Variants in CTLA4 observed in about 807,000 individuals in gnomAD.
The protein encoded by CTLA4 is cytotoxic T-lymphocyte associated protein 4.
Under a neutral mutation model 20.4 loss-of-function variants are expected in CTLA4, and 3 were observed. The ratio of observed to expected loss-of-function variants is 0.15; its 90% confidence interval spans 0.07 to 0.38. The LOEUF (loss-of-function observed/expected upper bound fraction) is 0.38. CTLA4 is among the 10% of genes least tolerant of loss of function. The pLI, the probability that CTLA4 is intolerant of heterozygous loss-of-function variation, is 1.00. For synonymous variants in CTLA4, 100 were observed against 105.2 expected (o/e 0.95, Z 0.30); for missense variants, 184 against 276.8 (o/e 0.66, Z 2.38).
At chr2:203,868,094 T>A (rs753236524) in intron 1 of CTLA4, 43 bp downstream of exon 1, 3 of 1,435,434 alleles carry the variant, frequency 2.1e-6, no homozygotes, top group Non-Finnish European at 9.8e-7. Context: ...GAGGTGTTTC[T>A]CCTACCTGGG....
In CTLA4 at chr2:203,870,731, T is replaced by C; in HGVS notation, c.255T>C (p.Cys85=). The change falls in exon 2 of 4, where the codon TGT becomes TGC. Residue 85 remains cysteine, a synonymous_variant. Transcript: ENST00000648405. The surrounding 1 kb of genome is among the most constrained non-coding windows in gnomAD (Gnocchi z 5.3). The part of the protein sequence containing the change: ...RQADSQVTEV[C]AATYMMGNEL... Reference sequence around the variant, plus strand: ...CTGACAGCCAGGTGACTGAAGTCTGTGCGGCAACCTACATGATGGGGAATG... The same window carrying C: ...CTGACAGCCAGGTGACTGAAGTCTGCGCGGCAACCTACATGATGGGGAATG... 6.2e-7 allele frequency: 1 copy of C among 1,614,186 alleles called. No homozygotes were observed. Among genetic ancestry groups the C allele is most frequent in the Non-Finnish European group, 8.5e-7 (1 of 1,180,032 alleles).
In CTLA4 at chr2:203,872,869, T is replaced by C; in HGVS notation, c.*57T>C. On this transcript the variant is annotated 3_prime_UTR_variant, in exon 4 of 4. Transcript: ENST00000648405. ...CAATTTCCAAGAGCTGAGGCAATTC[T>C]AACTTTTTTGCTATCCAGCTATTTT... 8.7e-7 allele frequency: 1 copy of C among 1,145,188 alleles called. No individual in the cohort carries two copies. Among genetic ancestry groups the C allele is most frequent in the Admixed American group, 1.8e-5 (1 of 55,824 alleles). The allele number at this position is 1,145,188 out of a possible 1,614,324, so 70.9% of individuals were successfully genotyped here. A position where few individuals can be genotyped will look rare whatever the true frequency, so the allele number is the denominator to read the frequency against.
At position 203,871,311 on chromosome 2, in the gene CTLA4, T is replaced by C. The variant is rs1688727936; in HGVS notation, c.458-67T>C. The C allele has an allele frequency of 3.7e-6, 5 of 1,358,858 alleles. No homozygotes were observed. In the South Asian group the frequency reaches 4.8e-5, roughly 13 times the overall value. 84.2% of individuals were successfully genotyped at this position (1,358,858 alleles called of 1,614,324 possible). A position where few individuals can be genotyped will look rare whatever the true frequency, so the allele number is the denominator to read the frequency against. ...AGCTCTAATGTCCTTTTTTCACCAATGTTGGGGAGTAGAGCCCTAGAGTTT... is the reference window on the plus strand; with the variant it reads ...AGCTCTAATGTCCTTTTTTCACCAACGTTGGGGAGTAGAGCCCTAGAGTTT... On this transcript the variant is annotated intron_variant, in intron 2 of 3. Coordinates refer to ENST00000648405, the MANE Select transcript of CTLA4 (RefSeq NM_005214.5).
chr2:203,867,975 T>C lies in CTLA4; in HGVS notation c.33T>C (p.Ala11=). The C allele has an allele frequency of 1.2e-6, 2 of 1,614,160 alleles. No homozygotes were observed. Among genetic ancestry groups the C allele is most frequent in the Non-Finnish European group, 1.7e-6 (2 of 1,179,996 alleles). ...GCCTTGGATTTCAGCGGCACAAGGCTCAGCTGAACCTGGCTACCAGGACCT... is the reference window on the plus strand; with the variant it reads ...GCCTTGGATTTCAGCGGCACAAGGCCCAGCTGAACCTGGCTACCAGGACCT... MACLGFQRHK[A]QLNLATRTWP... The change falls in exon 1 of 4, where the codon GCT becomes GCC. Residue 11 remains alanine (A), a synonymous_variant. Transcript: ENST00000648405.
intron 2 of CTLA4, 130 bp from the exon 3 acceptor site, chr2:203,871,248 C>T (rs1223018550): frequency 8.0e-6 from 6 of 746,412 alleles, no homozygotes; most frequent in Non-Finnish European, 6.7e-6. Flanking sequence ...TATTGGTGGG[C>T]TACCCATGCA....
chr2:203,872,646 A>T (rs1334365056), intron 3 of CTLA4, 62 bp from the exon 4 acceptor site: 1 of 983,820 alleles, frequency 1.0e-6, no homozygotes, highest in Non-Finnish European at 1.6e-6. Context: ...GAGTTCTATT[A>T]TGGTTAGAAG....
chr2:203,868,639 T>A (rs1302650352), intron 1 of CTLA4, among the ~76,000 whole-genome samples: 2 of 150,600 alleles, frequency 1.3e-5, no homozygotes, highest in African/African-American at 4.9e-5. Flanking sequence ...TATTTAAAAA[T>A]AAAAGTTTGA....
At position 203,872,809 on chromosome 2, in the gene CTLA4, T is replaced by C; in HGVS notation, c.669T>C (p.Asn223=). The C allele has an allele frequency of 6.3e-7, 1 of 1,590,538 alleles. No homozygotes were observed. The highest frequency in any genetic ancestry group is 8.6e-7 in the Non-Finnish European group (1 of 1,158,556). ...TTCAGCCTTATTTTATTCCCATCAA[T>C]TGAGAAACCATTATGAAGAAGAGAG... ...KQFQPYFIPI[N] is the part of the protein sequence containing the mutation. Residue 223 remains asparagine, a synonymous_variant, in exon 4 of 4, where the codon AAT becomes AAC. Transcript: ENST00000648405.
rs1433061608 is a variant in CTLA4, at chr2:203,870,524, G to A, written c.110-62G>A. The A allele has an allele frequency of 7.7e-6, 12 of 1,567,350 alleles. No individual in the cohort carries two copies. Among genetic ancestry groups the A allele is most frequent in the African/African-American group, 1.3e-5 (1 of 74,310 alleles). On this transcript the variant is annotated intron_variant, in intron 1 of 3. Coordinates refer to ENST00000648405, the MANE Select transcript of CTLA4 (RefSeq NM_005214.5). The surrounding 1 kb of genome is among the most constrained non-coding windows in gnomAD (Gnocchi z 5.3). Reference sequence around the variant, plus strand: ...ATGAAGCTAGAAGGCAGAAGGGCTTGCCTGGGCTTGGCCATGAAGGAGCAT... The same window carrying A: ...ATGAAGCTAGAAGGCAGAAGGGCTTACCTGGGCTTGGCCATGAAGGAGCAT...
rs2105775617 is a variant in CTLA4 at position 203,870,997 on chromosome 2, G to C, written c.457+64G>C. On this transcript the variant is annotated intron_variant, in intron 2 of 3. Coordinates refer to ENST00000648405, the MANE Select transcript of CTLA4 (RefSeq NM_005214.5). This position sits in a 1 kb window ranked among gnomAD's most constrained non-coding sequence, Gnocchi z 5.3. ...TTGCAGTCTTCTATGCACAAAAACA[G>C]TTTTGTTCCTTAATTTCAGGAGGTT... The C allele has an allele frequency of 7.6e-7, 1 of 1,308,044 alleles. No homozygotes were observed. The highest frequency in any genetic ancestry group is 1.1e-6 in the Non-Finnish European group (1 of 935,742). 81.0% of individuals were successfully genotyped at this position (1,308,044 alleles called of 1,614,324 possible).
intron 3 of CTLA4, 51 bp downstream of exon 3, chr2:203,871,538 G>C (rs1305915540): frequency 7.3e-7 from 1 of 1,365,752 alleles, no homozygotes; most frequent in East Asian, 2.3e-5. Flanking sequence ...ACCTTTAGTG[G>C]TATCAACTGG....
At chr2:203,868,221 C>T (rs754547352) in intron 1 of CTLA4, among the ~76,000 whole-genome samples, 170 bp downstream of exon 1, 3 of 152,060 alleles carry the variant, frequency 2.0e-5, no homozygotes, top group African/African-American at 7.2e-5. Context: ...AGCAGTTGGG[C>T]GGCAGCAAAT....
rs147679342 is a variant in CTLA4, at chr2:203,870,866, G to A, written c.390G>A (p.Lys130=). 4 of 1,614,218 alleles carry A rather than the reference G, an allele frequency of 2.5e-6. No individual in the cohort carries two copies. The highest frequency in any genetic ancestry group is 2.5e-6 in the Non-Finnish European group (3 of 1,180,036). The change falls in exon 2 of 4, where the codon AAG becomes AAA. Residue 130 remains lysine, a synonymous_variant. Coordinates refer to ENST00000648405, the MANE Select transcript of CTLA4 (RefSeq NM_005214.5). This position sits in a 1 kb window ranked among gnomAD's most constrained non-coding sequence, Gnocchi z 5.3. ...RAMDTGLYIC[K]VELMYPPPYY... ...TGGACACGGGACTCTACATCTGCAA[G>A]GTGGAGCTCATGTACCCACCGCCAT...
Position 203,873,850 on chromosome 2 carries a change from G to A in CTLA4, c.*1038G>A, listed in dbSNP as rs980967681. ...CAGCAGGTGGCAGAATGGGGTGCATGAAGGTTTCTGAAAATTAACACTGCT... is the reference window on the plus strand; with the variant it reads ...CAGCAGGTGGCAGAATGGGGTGCATAAAGGTTTCTGAAAATTAACACTGCT... On this transcript the variant is annotated 3_prime_UTR_variant, in exon 4 of 4. Coordinates refer to ENST00000648405, the MANE Select transcript of CTLA4 (RefSeq NM_005214.5). 1 of 230,718 alleles carries A rather than the reference G, an allele frequency of 4.3e-6. No individual in the cohort carries two copies. The highest frequency in any genetic ancestry group is 6.1e-5 in the East Asian group (1 of 16,286). The allele number at this position is 230,718 out of a possible 1,614,324, so 14.3% of individuals were successfully genotyped here.
chr2:203,871,624 A>G (rs1471243714), intron 3 of CTLA4, 137 bp downstream of exon 3: 19 of 689,650 alleles, frequency 2.8e-5, no homozygotes, highest in Non-Finnish European at 4.6e-5. Flanking sequence ...AGTGGTAAAG[A>G]ACGCACTAGA....
chr2:203,869,097 T>C (rs1235334101), intron 1 of CTLA4, among the ~76,000 whole-genome samples: 1 of 152,232 alleles, frequency 6.6e-6, no homozygotes, highest in Non-Finnish European at 1.5e-5. Flanking sequence ...TTAGTGGTGA[T>C]GAGTGTGAGC....
intron 2 of CTLA4, 141 bp downstream of exon 2, chr2:203,871,074 C>G: frequency 1.4e-6 from 1 of 730,168 alleles, no homozygotes; most frequent in East Asian, 2.7e-5. Flanking sequence ...CACATGGTAG[C>G]CTTGCTTATT....
At position 203,873,889 on chromosome 2, in the gene CTLA4, C is replaced by T. The variant is rs1363966984; in HGVS notation, c.*1077C>T. On this transcript the variant is annotated 3_prime_UTR_variant, in exon 4 of 4. Transcript: ENST00000648405. ...ATTAACACTGCTTGTGTTTTTAACT[C>T]AATATTTTCCATGAAAATGCAACAA... 1 of 229,894 alleles carries T rather than the reference C, an allele frequency of 4.3e-6. No homozygotes were observed. Among genetic ancestry groups the T allele is most frequent in the Non-Finnish European group, 8.6e-6 (1 of 115,800 alleles). 14.2% of individuals were successfully genotyped at this position (229,894 alleles called of 1,614,324 possible). A position where few individuals can be genotyped will look rare whatever the true frequency, so the allele number is the denominator to read the frequency against.
In CTLA4 at chr2:203,873,345, T is replaced by TATATATATATATATATATAC. The variant is rs1688770386; in HGVS notation, c.*552_*553insCATATATATATATATATATA. Reference sequence around the variant, plus strand: ...ATATATACATATATATATATATATATATATATATATATATATATATATATA... The same window carrying TATATATATATATATATATAC: ...ATATATACATATATATATATATATATATATATATATATATATATACATATATATATATATATATATATATA... On this transcript the variant is annotated 3_prime_UTR_variant, in exon 4 of 4. Transcript: ENST00000648405. 1 of 8,116 alleles carries TATATATATATATATATATAC rather than the reference T, an allele frequency of 1.2e-4. No individual in the cohort carries two copies. Among genetic ancestry groups the TATATATATATATATATATAC allele is most frequent in the Non-Finnish European group, 2.9e-4 (1 of 3,480 alleles). 0.5% of individuals were successfully genotyped at this position (8,116 alleles called of 1,614,324 possible).
Sources: allele counts gnomAD v4.1 joint callset (sites outside exome capture counted in the v4.1 genomes callset), GRCh38; gene constraint gnomAD v4.1.1; non-coding constraint Gnocchi (gnomAD v3.1); transcripts MANE v1.5; gene names NCBI Gene and HGNC (gene_info 2026-07-23, HGNC 2026-07-21).